CHFR: variants seen among roughly 807,000 people sequenced by gnomAD.
CHFR encodes E3 ubiquitin-protein ligase CHFR.
In CHFR, 57 loss-of-function variants were observed where a neutral mutation model predicts 87.6. The ratio of observed to expected loss-of-function variants is 0.65; its 90% CI spans 0.53 to 0.81. The LOEUF is 0.81. Ranked by LOEUF, CHFR falls within the 30% of genes least tolerant of loss-of-function variation. CHFR has a pLI of 0.00. For synonymous variants in CHFR, 381 were observed against 359.2 expected (o/e 1.06, Z -0.69); for missense variants, 797 against 865.8 (o/e 0.92, Z 1.00).
chr12:132,846,602 C>T (rs964872963), intron 15 of CHFR, among the ~76,000 whole-genome samples: 2 of 151,836 alleles, frequency 1.3e-5, no homozygotes, highest in Non-Finnish European at 2.9e-5. Context: ...ACCTGAAGGC[C>T]GGGCATAGTG....
chr12:132,870,708 C>T lies in CHFR; in HGVS notation c.403+16G>A, dbSNP rs770126644. The T allele has an allele frequency of 1.9e-6, 3 of 1,576,562 alleles. No homozygotes were observed. Among genetic ancestry groups the T allele is most frequent in the South Asian group, 1.1e-5 (1 of 90,108 alleles). Reference sequence around the variant, plus strand: ...CTCCTAACATGCACCCACTTCTTTGCTACACTCTTACTTACCAAAGGATTC... The same window carrying T: ...CTCCTAACATGCACCCACTTCTTTGTTACACTCTTACTTACCAAAGGATTC... On this transcript the variant is annotated intron_variant, in intron 5 of 17. Transcript: ENST00000450056.
Position 132,835,923 on chromosome 12 carries a change from CTCACAGTGA to C in CHFR, c.*5622_*5630del, listed in dbSNP as rs1252269217. The C allele has an allele frequency of 4.8e-6, 1 of 206,914 alleles. No individual in the cohort carries two copies. The highest frequency in any genetic ancestry group is 3.9e-5 in the African/African-American group (1 of 25,656). 12.8% of individuals were successfully genotyped at this position (206,914 alleles called of 1,614,324 possible). A position where few individuals can be genotyped will look rare whatever the true frequency, so the allele number is the denominator to read the frequency against. ...CAGGCTCCCAGCACGGCGCACGGCA[CTCACAGTGA>C]CAGGCTCCCAGCACGGCGCACGGCA... On this transcript the variant is annotated 3_prime_UTR_variant, in exon 18 of 18. Coordinates refer to ENST00000450056, the MANE Select transcript of CHFR (RefSeq NM_001161346.2).
At chr12:132,864,856 CA>C (rs1479873414) in intron 6 of CHFR, among the ~76,000 whole-genome samples, 1 of 152,120 alleles carries the variant, frequency 6.6e-6, no homozygotes, top group African/African-American at 2.4e-5. Flanking sequence ...AGAACATTAT[CA>C]AAAAATTATG....
Position 132,834,682 on chromosome 12 carries a change from C to T in CHFR, c.*6872G>A. 6.6e-6 allele frequency: 1 copy of T among 152,536 alleles called. No individual in the cohort carries two copies. The highest frequency in any genetic ancestry group is 1.5e-5 in the Non-Finnish European group (1 of 68,602). The allele number at this position is 152,536 out of a possible 1,614,324, so 9.4% of individuals were successfully genotyped here. A position where few individuals can be genotyped will look rare whatever the true frequency, so the allele number is the denominator to read the frequency against. On this transcript the variant is annotated 3_prime_UTR_variant, in exon 18 of 18. Coordinates refer to ENST00000450056, the MANE Select transcript of CHFR (RefSeq NM_001161346.2). ...TCCCACCTCTTCTCTGTCACCAAGC[C>T]TCCTCTTCCTGCCTTTGACTTCTTG...
At position 132,838,765 on chromosome 12, in the gene CHFR, T is replaced by G. The variant is rs1490748227; in HGVS notation, c.*2789A>C. ...TTTGCTGGGTGGGATGGCTGGGTCT[T>G]GAGGACGAGGAAGTACAGAAGCTCA... On this transcript the variant is annotated 3_prime_UTR_variant, in exon 18 of 18. Coordinates refer to ENST00000450056, the MANE Select transcript of CHFR (RefSeq NM_001161346.2). 6.6e-6 allele frequency: 1 copy of G among 152,202 alleles called. No individual in the cohort carries two copies. Among genetic ancestry groups the G allele is most frequent in the East Asian group, 1.9e-4 (1 of 5,188 alleles). The allele number at this position is 152,202 out of a possible 1,614,324, so 9.4% of individuals were successfully genotyped here.
chr12:132,848,826 T>C lies in CHFR; in HGVS notation c.1493-102A>G, dbSNP rs1019812814. On this transcript the variant is annotated intron_variant, in intron 12 of 17. Coordinates refer to ENST00000450056, the MANE Select transcript of CHFR (RefSeq NM_001161346.2). The stretch of plus-strand genomic sequence containing the variant: ...AGGAGCTCAACTCTTTCTGGAAACA[T>C]TGTTCAGGAGGGGTCTCATGGAAAT... The C allele has an allele frequency of 1.3e-4, 120 of 898,498 alleles. 2 individuals are homozygous for C. Among genetic ancestry groups the C allele is most frequent in the Admixed American group, 3.3e-4 (15 of 45,308 alleles). The allele number at this position is 898,498 out of a possible 1,614,324, so 55.7% of individuals were successfully genotyped here. A position where few individuals can be genotyped will look rare whatever the true frequency, so the allele number is the denominator to read the frequency against.
chr12:132,857,609 C>T (rs375150375), intron 8 of CHFR, 50 bp from the exon 9 acceptor site: 78 of 1,577,596 alleles, frequency 4.9e-5, no homozygotes, highest in Non-Finnish European at 6.0e-5. Flanking sequence ...GATGCAACCG[C>T]GACCCTCGAC....
intron 8 of CHFR, among the ~76,000 whole-genome samples, chr12:132,858,163 C>T (rs920536974): frequency 4.6e-5 from 7 of 152,122 alleles, no homozygotes; most frequent in African/African-American, 1.4e-4. Context: ...TCGAGACCAG[C>T]CTGGCTAATA....
rs1950948312 is a variant in CHFR, at chr12:132,851,657, C to G, written c.1453G>C (p.Ala485Pro). Residue 485 changes from alanine (A) to proline (P), a missense_variant, in exon 12 of 18, where the codon GCG (alanine) becomes CCG (proline). Around this residue, in one of 2 missense-constraint regions of CHFR, gnomAD observed 200 missense variants for 264.6 expected, o/e 0.76. Transcript: ENST00000450056. ...ACACGCGGGTCCTGCTCGCGCTCCG[C>G]TCTCCGGTCGGGCATGGGCTGGAAG... Reference protein sequence around the residue: ...CCFQPMPDRRAEREQDPRVAP... With the variant: ...CCFQPMPDRRPEREQDPRVAP... The G allele has an allele frequency of 1.2e-6, 2 of 1,613,006 alleles. No homozygotes were observed. The highest frequency in any genetic ancestry group is 8.5e-7 in the Non-Finnish European group (1 of 1,179,922).
At position 132,839,009 on chromosome 12, in the gene CHFR, C is replaced by T. The variant is rs1363593177; in HGVS notation, c.*2545G>A. ...GGTAGAAATCCTCTTCACAGTGGGCCAGGAGTTGGACTTCTCTGAAGGACT... is the reference window on the plus strand; with the variant it reads ...GGTAGAAATCCTCTTCACAGTGGGCTAGGAGTTGGACTTCTCTGAAGGACT... On this transcript the variant is annotated 3_prime_UTR_variant, in exon 18 of 18. Coordinates refer to ENST00000450056, the MANE Select transcript of CHFR (RefSeq NM_001161346.2). 1 of 152,278 alleles carries T rather than the reference C, an allele frequency of 6.6e-6. No individual in the cohort carries two copies. Among genetic ancestry groups the T allele is most frequent in the Non-Finnish European group, 1.5e-5 (1 of 68,152 alleles). The allele number at this position is 152,278 out of a possible 1,614,324, so 9.4% of individuals were successfully genotyped here. A position where few individuals can be genotyped will look rare whatever the true frequency, so the allele number is the denominator to read the frequency against.
At chr12:132,862,369 G>A (rs1386156952) in intron 6 of CHFR, 2 of 428,512 alleles carry the variant, frequency 4.7e-6, no homozygotes, top group Admixed American at 2.6e-5. Flanking sequence ...AAGGTGGGAG[G>A]ATCACTTGAT....
intron 6 of CHFR, among the ~76,000 whole-genome samples, chr12:132,865,395 C>G (rs770056767): frequency 6.6e-6 from 1 of 151,956 alleles, no homozygotes; most frequent in Non-Finnish European, 1.5e-5. Flanking sequence ...TGGTCTGTCG[C>G]CCAGGCTGGA....
chr12:132,843,003 G>A lies in CHFR; in HGVS notation c.1916+8C>T. ...GTAGCTGACGCCTGTGCCCCCAGCT[G>A]CACTCACATGGCGTGGTGAGCTTTC... On this transcript the variant is annotated splice_region_variant and intron_variant, in intron 17 of 17. Transcript: ENST00000450056. 6.2e-7 allele frequency: 1 copy of A among 1,608,576 alleles called. No homozygotes were observed. The highest frequency in any genetic ancestry group is 8.5e-7 in the Non-Finnish European group (1 of 1,177,206).
intron 6 of CHFR, among the ~76,000 whole-genome samples, chr12:132,863,389 C>T (rs1207158252): frequency 2.0e-4 from 31 of 151,918 alleles, no homozygotes; most frequent in Non-Finnish European, 1.5e-5. Flanking sequence ...TGCCTGTAAC[C>T]CAGCTACTTG....
chr12:132,850,120 A>AT (rs1480938388), intron 12 of CHFR, among the ~76,000 whole-genome samples: 28 of 152,142 alleles, frequency 1.8e-4, no homozygotes, highest in African/African-American at 6.3e-4. Context: ...TACACGGCTA[A>AT]TTTTTTGTAA....
At chr12:132,878,589 G>A (rs1478266188) in intron 2 of CHFR, among the ~76,000 whole-genome samples, 2 of 151,862 alleles carry the variant, frequency 1.3e-5, no homozygotes, top group Admixed American at 6.6e-5. Context: ...TCACACCGAG[G>A]CGGGCAGATC....
At chr12:132,883,682 G>A (rs1267026619) in intron 2 of CHFR, among the ~76,000 whole-genome samples, 3 of 152,166 alleles carry the variant, frequency 2.0e-5, no homozygotes, top group Non-Finnish European at 2.9e-5. Context: ...AGCCGAGATC[G>A]TGCCACTGCA....
intron 8 of CHFR, 68 bp from the exon 9 acceptor site, chr12:132,857,627 CGCA>C (rs1387385841): frequency 4.0e-6 from 6 of 1,512,350 alleles, no homozygotes; most frequent in Non-Finnish European, 5.4e-6. Flanking sequence ...GACCAAGGTC[CGCA>C]GCAGCCCCAC....
intron 2 of CHFR, among the ~76,000 whole-genome samples, chr12:132,886,681 G>A (rs1951902139): frequency 6.6e-6 from 1 of 152,202 alleles, no homozygotes; most frequent in Non-Finnish European, 1.5e-5. Flanking sequence ...GCTGGGACTT[G>A]AGATCTTTTT....
Sources: gnomAD v4.1 joint callset for allele counts (sites outside exome capture counted in the v4.1 genomes callset) on GRCh38, gnomAD v4.1.1 for gene constraint, gnomAD v4.1.1 regional missense constraint, MANE v1.5 for transcripts, NCBI Gene and HGNC (gene_info 2026-07-23, HGNC 2026-07-21) for gene names.